The following TENM4 variants were observed in gnomAD, a reference collection of about 807,000 sequenced individuals.
The protein encoded by TENM4 is teneurin-4.
In TENM4, 82 loss-of-function variants were observed where a neutral mutation model predicts 243.3. That is an observed-to-expected ratio of 0.34 (90% CI 0.28 to 0.40). The LOEUF (loss-of-function observed/expected upper bound fraction) is 0.40, where lower values mean the gene tolerates loss of function less well. TENM4 is among the 10% of genes least tolerant of loss of function. The pLI, the probability that TENM4 is intolerant of heterozygous loss-of-function variation, is 1.00. For missense variants in TENM4, 3,138 were observed against 3,673.3 expected, an observed-to-expected ratio of 0.85 and a Z score of 3.77; for synonymous variants, 1,412 against 1,456.3, an observed-to-expected ratio of 0.97 and a Z score of 0.69.
chr11:78,723,196 A>C (rs1446221180), intron 23 of TENM4, among the ~76,000 whole-genome samples: 1 of 152,252 alleles, frequency 6.6e-6, no homozygotes, highest in Non-Finnish European at 1.5e-5. Context: ...ACCTTACCCA[A>C]AGTCACACAG....
intron 1 of TENM4, among the ~76,000 whole-genome samples, chr11:79,406,765 G>A (rs532623428): frequency 2.9e-4 from 44 of 152,130 alleles, no homozygotes; most frequent in African/African-American, 9.6e-4. Flanking sequence ...AGTCTTATTT[G>A]ATAATTCTTT....
intron 27 of TENM4, among the ~76,000 whole-genome samples, chr11:78,704,642 A>G (rs1859199930): frequency 6.6e-6 from 1 of 152,162 alleles, no homozygotes; most frequent in Non-Finnish European, 1.5e-5. Context: ...AAATATAAGA[A>G]GTTTAGCTAG....
intron 3 of TENM4, among the ~76,000 whole-genome samples, chr11:79,187,344 C>A (rs1208861918): frequency 2.0e-5 from 3 of 152,180 alleles, no homozygotes; most frequent in Non-Finnish European, 2.9e-5. Flanking sequence ...AACCACTGGG[C>A]TGGCTACTTG....
chr11:79,155,690 C>A (rs1247210972), intron 3 of TENM4, among the ~76,000 whole-genome samples: 1 of 139,034 alleles, frequency 7.2e-6, no homozygotes, highest in East Asian at 2.4e-4. Flanking sequence ...CTCCCTCTCC[C>A]CCTCCCCTCC....
At position 79,080,630 on chromosome 11, in the gene TENM4, C is replaced by T. The variant is rs563806484; in HGVS notation, c.-65-10621G>A. Among the ~76,000 whole-genome samples the T allele has an allele frequency of 2.6e-5, 4 of 152,320 alleles. No homozygotes were observed. The South Asian group carries it at 8.3e-4, about 32-fold the overall frequency. ...ATCTGACACATGTTGCCTTGGGGCACTCAGTCCCATGTGGCTTTCTTGGAA... is the reference window on the plus strand; with the variant it reads ...ATCTGACACATGTTGCCTTGGGGCATTCAGTCCCATGTGGCTTTCTTGGAA... On this transcript the variant is annotated intron_variant, in intron 4 of 33. Transcript: ENST00000278550.
intron 6 of TENM4, among the ~76,000 whole-genome samples, chr11:78,937,422 G>T (rs2136443277): frequency 6.6e-6 from 1 of 152,304 alleles, no homozygotes; most frequent in Non-Finnish European, 1.5e-5. Flanking sequence ...CGTCTCTTCT[G>T]CTTAGACAAT....
chr11:78,710,482 G>A (rs1859372336), intron 26 of TENM4, among the ~76,000 whole-genome samples: 1 of 152,336 alleles, frequency 6.6e-6, no homozygotes, highest in South Asian at 2.1e-4. Flanking sequence ...GCAGCCTCAA[G>A]GCTGGGAAGC....
Position 78,657,304 on chromosome 11 carries a change from C to T in TENM4, c.*754G>A. On this transcript the variant is annotated 3_prime_UTR_variant, in exon 34 of 34. Coordinates refer to ENST00000278550, the MANE Select transcript of TENM4 (RefSeq NM_001098816.3). ...ATGTCACTGGTCTGGGGGAAAGGAC[C>T]TGGGAGACACTTTCTCTATCCCAGC... 5.0e-6 allele frequency: 2 copies of T among 398,142 alleles called. No individual in the cohort carries two copies. Among genetic ancestry groups the T allele is most frequent in the Non-Finnish European group, 8.8e-6 (2 of 226,288 alleles). 24.7% of individuals were successfully genotyped at this position (398,142 alleles called of 1,614,324 possible). A position where few individuals can be genotyped will look rare whatever the true frequency, so the allele number is the denominator to read the frequency against.
intron 3 of TENM4, among the ~76,000 whole-genome samples, chr11:79,175,900 C>A (rs761191507): frequency 1.3e-4 from 19 of 151,990 alleles, no homozygotes; most frequent in South Asian, 1.2e-3. Flanking sequence ...GCCTGGGCAA[C>A]ACAAGGAGAC....
chr11:79,069,524 A>G (rs1304958183), intron 5 of TENM4, among the ~76,000 whole-genome samples, 198 bp downstream of exon 5: 1 of 152,196 alleles, frequency 6.6e-6, no homozygotes, highest in East Asian at 1.9e-4. Context: ...AAATAAATGA[A>G]CTAAGAATGA....
chr11:79,112,894 T>A (rs1311474130), intron 4 of TENM4, among the ~76,000 whole-genome samples: 2 of 152,140 alleles, frequency 1.3e-5, no homozygotes, highest in African/African-American at 4.8e-5. Flanking sequence ...TCAAATGTCC[T>A]CTCTGCACCA....
intron 1 of TENM4, among the ~76,000 whole-genome samples, chr11:79,400,099 C>CCA (rs71050221): frequency 0.063 from 8,817 of 140,468 alleles, 305 homozygotes; most frequent in South Asian, 0.11. Flanking sequence ...TAAACACACA[C>CCA]CACACACACA....
intron 4 of TENM4, among the ~76,000 whole-genome samples, chr11:79,107,601 T>A (rs1006710572): frequency 1.3e-5 from 2 of 152,192 alleles, no homozygotes; most frequent in African/African-American, 4.8e-5. Flanking sequence ...GTGTCCATGA[T>A]GAGAATGGCT....
intron 6 of TENM4, among the ~76,000 whole-genome samples, chr11:79,010,010 C>T (rs1026527120): frequency 4.6e-5 from 7 of 152,124 alleles, no homozygotes; most frequent in African/African-American, 9.7e-5. Context: ...TGCACATGCC[C>T]TCTTGCCTGC....
At chr11:79,364,385 C>T (rs1050343419) in intron 1 of TENM4, among the ~76,000 whole-genome samples, 1 of 152,126 alleles carries the variant, frequency 6.6e-6, no homozygotes, top group Admixed American at 6.6e-5. Context: ...CTTGTTCCCT[C>T]ATAATCTCAC....
intron 14 of TENM4, among the ~76,000 whole-genome samples, chr11:78,811,062 T>C (rs1857489960): frequency 6.6e-6 from 1 of 152,224 alleles, no homozygotes; most frequent in African/African-American, 2.4e-5. Flanking sequence ...GCGTTTACTA[T>C]GTGTCAGACA....
chr11:79,346,416 C>T (rs546989403), intron 1 of TENM4, among the ~76,000 whole-genome samples: 11 of 152,164 alleles, frequency 7.2e-5, no homozygotes, highest in South Asian at 6.2e-4. Context: ...TCTGGCACAC[C>T]GTAGGCACTC....
chr11:79,226,326 C>T (rs192517889), intron 2 of TENM4, among the ~76,000 whole-genome samples: 17 of 152,334 alleles, frequency 1.1e-4, no homozygotes, highest in Non-Finnish European at 1.6e-4. Context: ...TCACCTCTGT[C>T]CAGAGCTGCT....
chr11:79,139,041 A>G (rs1382806388), intron 4 of TENM4, among the ~76,000 whole-genome samples: 2 of 31,738 alleles, frequency 6.3e-5, no homozygotes, highest in Admixed American at 5.9e-4. Context: ...ATATTTCTAT[A>G]AATATATAAA....
Sources: gnomAD v4.1 joint callset for allele counts (sites outside exome capture counted in the v4.1 genomes callset) on GRCh38, gnomAD v4.1.1 for gene constraint, MANE v1.5 for transcripts, NCBI Gene and HGNC (gene_info 2026-07-23, HGNC 2026-07-21) for gene names.